MGST1: variants seen among roughly 807,000 people sequenced by gnomAD.
The protein encoded by MGST1 is microsomal glutathione S-transferase 1.
In MGST1, 5 loss-of-function variants were observed where a neutral mutation model predicts 8.9. The ratio of observed to expected loss-of-function variants is 0.56; its 90% CI spans 0.29 to 1.19. The LOEUF (loss-of-function observed/expected upper bound fraction) is 1.19, where lower values mean the gene tolerates loss of function less well. Ranked by LOEUF, MGST1 falls within the 50% of genes most tolerant of loss-of-function variation. MGST1 has a pLI of 0.08. For synonymous variants in MGST1, 54 were observed against 67.8 expected (o/e 0.80, Z 1.00); for missense variants, 182 against 187.4 (o/e 0.97, Z 0.17).
rs1940655374 is a variant in MGST1, at chr12:16,401,489, G to C, written n.778+17885G>C. The C allele has an allele frequency of 1.2e-6, 1 of 841,934 alleles. No homozygotes were observed. Among genetic ancestry groups the C allele is most frequent in the Non-Finnish European group, 2.0e-6 (1 of 490,202 alleles). 52.2% of individuals were successfully genotyped at this position (841,934 alleles called of 1,614,324 possible). ...ACACCATGTCTTAATTCCTTCAGCA[G>C]CTCTTCTTGAAGCTGGAGTAAAAAG... On this transcript the variant is annotated intron_variant and non_coding_transcript_variant, in intron 1 of 1. Coordinates refer to the MGST1 transcript ENST00000359720. The surrounding 1 kb of genome is among the most constrained non-coding windows in gnomAD (Gnocchi z 4.3).
rs150269510 is a variant in MGST1, at chr12:16,477,575, T to C, written n.482+93971T>C. On this transcript the variant is annotated intron_variant and non_coding_transcript_variant, in intron 4 of 4. Transcript: ENST00000538857. ...AAATAAAATTACTATCTTACTTGTA[T>C]ACTACTCAACTGTATTTGAACAATG... Among the ~76,000 whole-genome samples the C allele has an allele frequency of 9.8e-5, 15 of 152,360 alleles. No individual in the cohort carries two copies. In the East Asian group the frequency reaches 2.3e-3, roughly 23 times the overall value.
At chr12:16,541,952 G>A (rs1941795791) in intron 4 of MGST1, among the ~76,000 whole-genome samples, 1 of 152,278 alleles carries the variant, frequency 6.6e-6, no homozygotes, top group Non-Finnish European at 1.5e-5. Context: ...CCCAGAGATA[G>A]CCTAGACAGT....
intron 1 of MGST1, among the ~76,000 whole-genome samples, chr12:16,422,302 T>C (rs1044454443): frequency 6.6e-6 from 1 of 152,176 alleles, no homozygotes; most frequent in African/African-American, 2.4e-5. Flanking sequence ...TATCTTTTTA[T>C]ACAGTGTGGA....
intron 4 of MGST1, among the ~76,000 whole-genome samples, chr12:16,554,210 T>C (rs372890570): frequency 2.0e-5 from 3 of 152,330 alleles, no homozygotes; most frequent in East Asian, 1.9e-4. Flanking sequence ...TTATAAAATA[T>C]AGTGCTTAGT....
chr12:16,366,691 G>A (rs1362287468), downstream of MGST1, among the ~76,000 whole-genome samples: 3 of 149,156 alleles, frequency 2.0e-5, no homozygotes, highest in African/African-American at 5.0e-5. This position sits in a 1 kb window ranked among gnomAD's most constrained non-coding sequence, Gnocchi z 4.0. Context: ...TACCATCATC[G>A]GTTCTAACCA....
chr12:16,426,823 T>C (rs574865009), intron 1 of MGST1, among the ~76,000 whole-genome samples: 7 of 151,890 alleles, frequency 4.6e-5, no homozygotes, highest in Admixed American at 4.6e-4. Context: ...CAAAAAAAAA[T>C]TAGCCGGGCG....
intron 4 of MGST1, among the ~76,000 whole-genome samples, chr12:16,570,246 C>T (rs1043397443): frequency 6.6e-6 from 1 of 152,032 alleles, no homozygotes; most frequent in Non-Finnish European, 1.5e-5. Flanking sequence ...TAATACTTTC[C>T]TAAAAATCGG....
chr12:16,488,921 C>A (rs1464993850), intron 4 of MGST1, among the ~76,000 whole-genome samples: 7 of 151,960 alleles, frequency 4.6e-5, no homozygotes, highest in African/African-American at 9.7e-5. Context: ...TCAGCCTGGG[C>A]AACATAGTGA....
chr12:16,390,704 C>G (rs1591715223), intron 1 of MGST1, among the ~76,000 whole-genome samples: 1 of 152,226 alleles, frequency 6.6e-6, no homozygotes, highest in Non-Finnish European at 1.5e-5. Context: ...TTTATCCAGT[C>G]TGTCATTGAT....
At chr12:16,397,536 G>A (rs1591716953) in intron 1 of MGST1, among the ~76,000 whole-genome samples, 1 of 151,688 alleles carries the variant, frequency 6.6e-6, no homozygotes, top group South Asian at 2.1e-4. Context: ...ATCCAACAAA[G>A]AACTAATATC....
intron 1 of MGST1, among the ~76,000 whole-genome samples, chr12:16,426,631 T>C (rs1472371324): frequency 6.6e-6 from 1 of 152,190 alleles, no homozygotes; most frequent in Non-Finnish European, 1.5e-5. Flanking sequence ...ACCTATCAAA[T>C]GTATTAGGCT....
At chr12:16,572,840 G>C (rs1942862066) in intron 4 of MGST1, among the ~76,000 whole-genome samples, 1 of 151,538 alleles carries the variant, frequency 6.6e-6, no homozygotes, top group Non-Finnish European at 1.5e-5. Flanking sequence ...TTTGCTCTAA[G>C]GATACTACAT....
At chr12:16,574,655 T>C (rs950051366) in intron 4 of MGST1, among the ~76,000 whole-genome samples, 1 of 152,240 alleles carries the variant, frequency 6.6e-6, no homozygotes, top group African/African-American at 2.4e-5. Flanking sequence ...AGCTAATTCC[T>C]ATCTGTGCTC....
At chr12:16,579,616 G>A (rs990776459) in intron 4 of MGST1, among the ~76,000 whole-genome samples, 1 of 152,162 alleles carries the variant, frequency 6.6e-6, no homozygotes, top group Admixed American at 6.5e-5. Flanking sequence ...CACGTTGGTG[G>A]AATCCTTTAG....
At chr12:16,494,899 T>C (rs1941460564) in intron 4 of MGST1, among the ~76,000 whole-genome samples, 1 of 152,176 alleles carries the variant, frequency 6.6e-6, no homozygotes, top group East Asian at 1.9e-4. Context: ...TGGAAAATTC[T>C]TATATCAATG....
rs192581943 is a variant in MGST1 at position 16,451,393 on chromosome 12, G to A, written n.482+67789G>A. On this transcript the variant is annotated intron_variant and non_coding_transcript_variant, in intron 4 of 4. Coordinates refer to the MGST1 transcript ENST00000538857. ...TGTCCACATACAATATTATACACAC[G>A]CAAAGATATACAAAATACACTTTTT... Among the ~76,000 whole-genome samples, 19 of 151,728 alleles carry A rather than the reference G, an allele frequency of 1.3e-4. 1 individual carries two copies. The East Asian group carries it at 2.0e-3, about 16-fold the overall frequency.
rs1591704882 is a variant in MGST1 at position 16,364,036 on chromosome 12, C to T, written c.463C>T (p.Leu155=). 6.2e-7 allele frequency: 1 copy of T among 1,601,378 alleles called. No homozygotes were observed. Among genetic ancestry groups the T allele is most frequent in the Non-Finnish European group, 8.5e-7 (1 of 1,172,122 alleles). The change falls in exon 4 of 4, where the codon CTG becomes TTG. Residue 155 remains leucine (L), a synonymous_variant. Transcript: ENST00000396210. The surrounding 1 kb of genome is among the most constrained non-coding windows in gnomAD (Gnocchi z 5.7). The part of the protein sequence containing the change: ...AYRLLKSKLY[L] ...CAGGTTGCTGAAAAGTAAATTGTAC[C>T]TGTAAAGAAAATCATACAACTCAGC...
chr12:16,537,751 G>A lies in MGST1; in HGVS notation n.483-51777G>A, dbSNP rs1478813069. Among the ~76,000 whole-genome samples, 1 of 152,182 alleles carries A rather than the reference G, an allele frequency of 6.6e-6. No individual in the cohort carries two copies. ...ACCTTGGCCACTTTTAACAACAGCT[G>A]GAGCAGCTGGGATGCAGGGCACCAA... On this transcript the variant is annotated intron_variant and non_coding_transcript_variant, in intron 4 of 4. Transcript: ENST00000538857. The surrounding 1 kb of genome is among the most constrained non-coding windows in gnomAD (Gnocchi z 4.6).
rs17669181 is a variant in MGST1 at position 16,514,187 on chromosome 12, G to A, written n.483-75341G>A. The stretch of plus-strand genomic sequence containing the variant: ...CTGTGCGCCACTCTGCCAATTATAC[G>A]CCATTGTCGCTGCCAATCATACACC... On this transcript the variant is annotated intron_variant and non_coding_transcript_variant, in intron 4 of 4. Transcript: ENST00000538857. The A allele has an allele frequency of 9.0e-3, 2,855 of 316,868 alleles. 22 individuals carry two copies. The highest frequency in any genetic ancestry group is 0.014 in the Non-Finnish European group (2,344 of 162,184). 19.6% of individuals were successfully genotyped at this position (316,868 alleles called of 1,614,324 possible).
Sources: allele counts gnomAD v4.1 joint callset (sites outside exome capture counted in the v4.1 genomes callset), GRCh38; gene constraint gnomAD v4.1.1; non-coding constraint Gnocchi (gnomAD v3.1); transcripts MANE v1.5; gene names NCBI Gene and HGNC (gene_info 2026-07-23, HGNC 2026-07-21).